PDE1A: variants seen among roughly 807,000 people sequenced by gnomAD.
PDE1A encodes the protein phosphodiesterase 1A.
In PDE1A, 35 loss-of-function variants were observed where a neutral mutation model predicts 61.7. That is an observed-to-expected ratio of 0.57 (90% CI 0.43 to 0.75). The LOEUF (loss-of-function observed/expected upper bound fraction) is 0.75. PDE1A is among the 30% of genes least tolerant of loss of function. The pLI is 0.00. For missense variants in PDE1A, 597 were observed against 630.6 expected, an observed-to-expected ratio of 0.95 and a Z score of 0.57; for synonymous variants, 232 against 213.2, an observed-to-expected ratio of 1.09 and a Z score of -0.77.
chr2:182,552,858 T>C, the PDE1A span, among the ~76,000 whole-genome samples: 1 of 152,150 alleles, frequency 6.6e-6, no homozygotes, highest in Non-Finnish European at 1.5e-5. Flanking sequence ...ACTGCACTCT[T>C]CTGGTCCATG....
intron 2 of PDE1A, among the ~76,000 whole-genome samples, chr2:182,485,691 T>C (rs959894373): frequency 6.6e-6 from 1 of 151,958 alleles, no homozygotes; most frequent in Non-Finnish European, 1.5e-5. Context: ...GTTTAAAATA[T>C]AAAAATTAAT....
intron 10 of PDE1A, among the ~76,000 whole-genome samples, chr2:182,190,796 A>G (rs1442631994): frequency 1.3e-5 from 2 of 152,020 alleles, no homozygotes; most frequent in Non-Finnish European, 2.9e-5. Context: ...TCTCTACTAT[A>G]AATACAAAAA....
intron 1 of PDE1A, among the ~76,000 whole-genome samples, chr2:182,381,630 G>C (rs1700742510): frequency 6.6e-6 from 1 of 152,116 alleles, no homozygotes; most frequent in African/African-American, 2.4e-5. Flanking sequence ...TGGCCAACAG[G>C]GTGAAACTCC....
exon 15 of PDE1A, chr2:182,140,729 A>G (rs373546108): frequency 6.6e-5 from 10 of 152,202 alleles, no homozygotes; most frequent in Non-Finnish European, 1.0e-4. Context: ...TGGCCTCAAC[A>G]GTAATGTTTG....
At chr2:182,423,392 C>T (rs1161676504) in intron 1 of PDE1A, among the ~76,000 whole-genome samples, 1 of 152,040 alleles carries the variant, frequency 6.6e-6, no homozygotes, top group Non-Finnish European at 1.5e-5. Context: ...CTAAATGATA[C>T]GTAAGATTCC....
At chr2:182,712,241 G>A in the PDE1A span, among the ~76,000 whole-genome samples, 1 of 152,240 alleles carries the variant, frequency 6.6e-6, no homozygotes, top group South Asian at 2.1e-4. Context: ...AACTGAGGGA[G>A]CCTGAAATAT....
chr2:182,297,959 C>G (rs1321027007), intron 1 of PDE1A, among the ~76,000 whole-genome samples: 1 of 152,204 alleles, frequency 6.6e-6, no homozygotes, highest in Non-Finnish European at 1.5e-5. Flanking sequence ...TCCTGACCAG[C>G]AGCTGGTCTG....
intron 1 of PDE1A, among the ~76,000 whole-genome samples, chr2:182,276,118 C>T (rs954770933): frequency 6.6e-5 from 10 of 151,954 alleles, no homozygotes; most frequent in Admixed American, 2.6e-4. Context: ...CCCATCCTTC[C>T]TTCCTTTTTC....
At chr2:182,174,988 T>G (rs1419622382) in intron 13 of PDE1A, among the ~76,000 whole-genome samples, 1 of 152,124 alleles carries the variant, frequency 6.6e-6, no homozygotes, top group East Asian at 1.9e-4. Flanking sequence ...AGTAAGAACA[T>G]GTTGTATTTG....
chr2:182,636,780 A>G, the PDE1A span, among the ~76,000 whole-genome samples: 1 of 152,132 alleles, frequency 6.6e-6, no homozygotes, highest in African/African-American at 2.4e-5. Flanking sequence ...CTTACTGGAC[A>G]CTCTAGGGAA....
intron 4 of PDE1A, among the ~76,000 whole-genome samples, chr2:182,232,576 C>T (rs984197079): frequency 4.6e-5 from 7 of 152,160 alleles, no homozygotes; most frequent in African/African-American, 1.2e-4. Flanking sequence ...GAAACAAGCA[C>T]CAATGAAACA....
chr2:182,164,353 C>A (rs1691540301), downstream of PDE1A, among the ~76,000 whole-genome samples: 1 of 152,078 alleles, frequency 6.6e-6, no homozygotes, highest in Non-Finnish European at 1.5e-5. Flanking sequence ...AATGGTTTGG[C>A]TGGATGGTCA....
chr2:182,172,926 T>G (rs1251804572), intron 13 of PDE1A, among the ~76,000 whole-genome samples: 1 of 152,028 alleles, frequency 6.6e-6, no homozygotes, highest in African/African-American at 2.4e-5. Context: ...TCCACTGATC[T>G]TCCCAGGAGT....
the PDE1A span, among the ~76,000 whole-genome samples, chr2:182,616,495 T>C: frequency 1.3e-5 from 2 of 152,220 alleles, no homozygotes; most frequent in Non-Finnish European, 2.9e-5. Context: ...GAGTAAAGTC[T>C]CATGACATGC....
intron 2 of PDE1A, among the ~76,000 whole-genome samples, chr2:182,250,557 C>CT (rs143069549): frequency 0.029 from 3,557 of 123,566 alleles, 131 homozygotes; most frequent in African/African-American, 0.085. Context: ...ATCTCAATAG[C>CT]TTTTTTTTAA....
At chr2:182,676,936 T>C in the PDE1A span, among the ~76,000 whole-genome samples, 1 of 152,192 alleles carries the variant, frequency 6.6e-6, no homozygotes, top group Admixed American at 6.6e-5. Flanking sequence ...GAGCCATCTA[T>C]GACAGACCCA....
At chr2:182,430,151 C>T (rs1437573478), upstream of PDE1A, among the ~76,000 whole-genome samples, 1 of 151,654 alleles carries the variant, frequency 6.6e-6, no homozygotes, top group Non-Finnish European at 1.5e-5. Flanking sequence ...AAAGAAACTA[C>T]CATCAGAGTG....
chr2:182,595,225 GA>G, the PDE1A span, among the ~76,000 whole-genome samples: 2 of 151,878 alleles, frequency 1.3e-5, no homozygotes, highest in African/African-American at 4.8e-5. Context: ...TGCTTTTTAA[GA>G]AAAAAACATA....
intron 2 of PDE1A, among the ~76,000 whole-genome samples, chr2:182,520,601 A>G (rs964677556): frequency 1.3e-5 from 2 of 151,964 alleles, no homozygotes; most frequent in South Asian, 2.1e-4. Context: ...ACTTTGCCCT[A>G]AAGTATCAAA....
Sources: allele counts gnomAD v4.1 joint callset (sites outside exome capture counted in the v4.1 genomes callset), GRCh38; gene constraint gnomAD v4.1.1; transcripts MANE v1.5; gene names NCBI Gene and HGNC (gene_info 2026-07-23, HGNC 2026-07-21).